Variants in NEGR1 observed in about 807,000 individuals in gnomAD.
NEGR1 encodes the protein IgLON family member 4.
NEGR1 carries 10 observed loss-of-function variants against 40.9 expected under a neutral mutation model. That is an observed-to-expected ratio of 0.24 (90% CI 0.15 to 0.42). The LOEUF (loss-of-function observed/expected upper bound fraction) is 0.42. Among genes scored for constraint, NEGR1 ranks in the 10% least tolerant of loss-of-function variants. NEGR1 has a pLI of 1.00. For synonymous variants in NEGR1, 185 were observed against 166.8 expected, an observed-to-expected ratio of 1.11 and a Z score of -0.84; for missense variants, 352 against 438.9, an observed-to-expected ratio of 0.80 and a Z score of 1.77.
At chr1:72,070,172 G>T (rs1647403202) in intron 1 of NEGR1, among the ~76,000 whole-genome samples, 1 of 151,948 alleles carries the variant, frequency 6.6e-6, no homozygotes, top group Non-Finnish European at 1.5e-5. Context: ...ACTGAAAGCT[G>T]ATCCTCAGAT....
chr1:71,819,499 T>C (rs12748724), intron 2 of NEGR1, among the ~76,000 whole-genome samples: 5,984 of 151,726 alleles, frequency 0.039, 383 homozygotes, highest in African/African-American at 0.14. Flanking sequence ...AAGAAAGAGC[T>C]CTTGGAAATT....
At chr1:71,932,488 C>T (rs2554417) in intron 2 of NEGR1, among the ~76,000 whole-genome samples, 82,695 of 151,804 alleles carry the variant, frequency 0.54, 23,956 homozygotes, top group African/African-American at 0.73. Flanking sequence ...CCCTCCTCCA[C>T]TGCTCCATTT....
At chr1:71,697,548 G>A (rs951818927) in intron 4 of NEGR1, among the ~76,000 whole-genome samples, 2 of 151,710 alleles carry the variant, frequency 1.3e-5, no homozygotes, top group Non-Finnish European at 3.0e-5. Context: ...TTTCCCAAAC[G>A]AAATAGAAAT....
intron 4 of NEGR1, among the ~76,000 whole-genome samples, chr1:71,675,634 T>C (rs1652603323): frequency 6.6e-6 from 1 of 151,742 alleles, no homozygotes. Flanking sequence ...AGTTTGAACT[T>C]GGATTGTAGT....
chr1:71,900,522 A>T (rs1391868093), intron 2 of NEGR1, among the ~76,000 whole-genome samples: 1 of 152,182 alleles, frequency 6.6e-6, no homozygotes, highest in Non-Finnish European at 1.5e-5. Context: ...TAATATTCAA[A>T]TCATCTTAAT....
chr1:71,756,425 C>CAAAAAAAAAAA (rs1491453120), intron 3 of NEGR1, among the ~76,000 whole-genome samples: 1 of 110,430 alleles, frequency 9.1e-6, no homozygotes, highest in Admixed American at 9.3e-5. Context: ...AAAAAAAAAC[C>CAAAAAAAAAAA]AAAAAAAACC....
intron 1 of NEGR1, among the ~76,000 whole-genome samples, chr1:72,092,087 T>A (rs532831327): frequency 6.6e-6 from 1 of 152,220 alleles, no homozygotes; most frequent in African/African-American, 2.4e-5. Context: ...GATTAAAAGG[T>A]AGACATTGAA....
At chr1:72,175,513 T>A (rs1652133525) in intron 1 of NEGR1, among the ~76,000 whole-genome samples, 1 of 152,064 alleles carries the variant, frequency 6.6e-6, no homozygotes, top group South Asian at 2.1e-4. Flanking sequence ...CCTTCCTCTT[T>A]AAAAAAATCT....
chr1:71,992,411 G>T (rs529298746), intron 1 of NEGR1, among the ~76,000 whole-genome samples: 1 of 152,084 alleles, frequency 6.6e-6, no homozygotes, highest in African/African-American at 2.4e-5. Flanking sequence ...TACATATCTA[G>T]AATGGCACTA....
chr1:72,034,640 A>G (rs1405615644), intron 1 of NEGR1, among the ~76,000 whole-genome samples: 1 of 152,206 alleles, frequency 6.6e-6, no homozygotes, highest in African/African-American at 2.4e-5. Flanking sequence ...CTGACTCAAA[A>G]GGCTCATTAA....
chr1:71,904,989 C>T lies in NEGR1; in HGVS notation c.409+30090G>A, dbSNP rs141396381. Among the ~76,000 whole-genome samples, 691 of 152,186 alleles carry T rather than the reference C, an allele frequency of 4.5e-3. 5 individuals carry two copies. The highest frequency in any genetic ancestry group is 0.016 in the African/African-American group (669 of 41,544). On this transcript the variant is annotated intron_variant, in intron 2 of 6. Coordinates refer to ENST00000357731, the MANE Select transcript of NEGR1 (RefSeq NM_173808.3). The stretch of plus-strand genomic sequence containing the variant: ...TAATACTGCCTACAAATGAATGCTA[C>T]AGCAGCCATCTTAATTCTCTATATA...
chr1:72,148,430 C>G (rs1175261270), intron 1 of NEGR1, among the ~76,000 whole-genome samples: 1 of 151,972 alleles, frequency 6.6e-6, no homozygotes, highest in African/African-American at 2.4e-5. Context: ...TCTGATATAG[C>G]CTAGAGACAT....
At position 71,454,328 on chromosome 1, in the gene NEGR1, CT is replaced by C. The variant is rs367977626; in HGVS notation, c.941-46759del. ...CTATTGTCATTAGTTCTGGATCCAACTTTTTTTTTTCTATTTAATTTAATTC... is the reference window on the plus strand; with the variant it reads ...CTATTGTCATTAGTTCTGGATCCAACTTTTTTTTTCTATTTAATTTAATTC... On this transcript the variant is annotated intron_variant, in intron 6 of 6. Coordinates refer to ENST00000357731, the MANE Select transcript of NEGR1 (RefSeq NM_173808.3). Among the ~76,000 whole-genome samples, 804 of 149,506 alleles carry C rather than the reference CT, an allele frequency of 5.4e-3. 11 individuals carry two copies. In the South Asian group the frequency reaches 0.06, roughly 11 times the overall value.
chr1:71,963,350 T>C (rs1298099156), intron 1 of NEGR1, among the ~76,000 whole-genome samples: 5 of 152,186 alleles, frequency 3.3e-5, no homozygotes, highest in African/African-American at 1.2e-4. Context: ...GCAGTTATTC[T>C]ATGTTATAGA....
chr1:71,729,872 G>T (rs1654800054), intron 3 of NEGR1, among the ~76,000 whole-genome samples: 1 of 150,768 alleles, frequency 6.6e-6, no homozygotes, highest in Non-Finnish European at 1.5e-5. Flanking sequence ...TAAAGATGGG[G>T]TTTTTCCATG....
chr1:71,773,031 T>G (rs1195527461), intron 3 of NEGR1, among the ~76,000 whole-genome samples: 1 of 150,822 alleles, frequency 6.6e-6, no homozygotes, highest in Non-Finnish European at 1.5e-5. Flanking sequence ...AGGAAAGGTG[T>G]TTTTTTTTGG....
chr1:72,023,392 C>T (rs1231440519), intron 1 of NEGR1, among the ~76,000 whole-genome samples: 2 of 151,864 alleles, frequency 1.3e-5, no homozygotes, highest in Non-Finnish European at 2.9e-5. Flanking sequence ...TTTACAGTTT[C>T]TCCCCACACC....
chr1:71,983,525 C>T (rs1394912017), intron 1 of NEGR1, among the ~76,000 whole-genome samples: 1 of 152,074 alleles, frequency 6.6e-6, no homozygotes, highest in East Asian at 1.9e-4. Context: ...CACTATCATC[C>T]AAAAATTTTT....
intron 2 of NEGR1, among the ~76,000 whole-genome samples, chr1:71,900,706 C>T (rs907269094): frequency 1.3e-5 from 2 of 152,120 alleles, no homozygotes; most frequent in African/African-American, 4.8e-5. Flanking sequence ...ACTGTAACCA[C>T]AATGATAGAT....
Sources: gnomAD v4.1 joint callset for allele counts (sites outside exome capture counted in the v4.1 genomes callset) on GRCh38, gnomAD v4.1.1 for gene constraint, MANE v1.5 for transcripts, NCBI Gene and HGNC (gene_info 2026-07-23, HGNC 2026-07-21) for gene names.